The following C6orf163 variants were observed in gnomAD, a reference collection of about 807,000 sequenced individuals.
The protein encoded by C6orf163 is uncharacterized protein C6orf163.
A neutral mutation model predicts 28.4 loss-of-function variants in C6orf163; 22 were observed. The ratio of observed to expected loss-of-function variants is 0.78; its 90% confidence interval spans 0.55 to 1.11. C6orf163 has a LOEUF of 1.11. Among genes scored for constraint, C6orf163 ranks in the 50% least tolerant of loss-of-function variants. The probability of loss-of-function intolerance (pLI) is 0.00; values close to 1 mark genes in which losing one functional copy is unlikely to be tolerated. For missense variants in C6orf163, 342 were observed against 389.1 expected (o/e 0.88, Z 1.02); for synonymous variants, 110 against 123.6 (o/e 0.89, Z 0.73).
At chr6:87,348,146 C>A (rs1327084090) in intron 1 of C6orf163, 3 of 956,132 alleles carry the variant, frequency 3.1e-6, no homozygotes, top group Non-Finnish European at 3.7e-6. Context: ...CAAAGCAAGA[C>A]TCCCTCTCAA....
intron 4 of C6orf163, among the ~76,000 whole-genome samples, chr6:87,362,151 C>G (rs1777589174): frequency 6.6e-6 from 1 of 152,210 alleles, no homozygotes; most frequent in African/African-American, 2.4e-5. Flanking sequence ...GCCTCCATTT[C>G]TCACCTGTTA....
rs1171081134 is a variant in C6orf163, at chr6:87,356,331, T to C, written c.382T>C (p.Tyr128His). 4.5e-6 allele frequency: 7 copies of C among 1,551,600 alleles called. No homozygotes were observed. Among genetic ancestry groups the C allele is most frequent in the Non-Finnish European group, 6.1e-6 (7 of 1,147,004 alleles). ...EVTAKTKTEMYQNMDDEMKRE... is the reference protein window; with the variant it reads ...EVTAKTKTEMHQNMDDEMKRE... Reference sequence around the variant, plus strand: ...GACAGCTAAAACTAAGACAGAGATGTATCAAAACATGGATGACGAAATGAA... The same window carrying C: ...GACAGCTAAAACTAAGACAGAGATGCATCAAAACATGGATGACGAAATGAA... Residue 128 changes from tyrosine (Y) to histidine (H), a missense_variant, in exon 4 of 5, where the codon TAT (tyrosine) becomes CAT (histidine). By Grantham distance (83) the Tyr-to-His change is moderately conservative. Coordinates refer to ENST00000388923, the MANE Select transcript of C6orf163 (RefSeq NM_001010868.3).
chr6:87,350,009 C>T (rs1040907151), intron 2 of C6orf163, among the ~76,000 whole-genome samples: 1 of 152,216 alleles, frequency 6.6e-6, no homozygotes, highest in South Asian at 2.1e-4. Flanking sequence ...CTCCTTCTAG[C>T]TTTGTGCGTC....
intron 4 of C6orf163, among the ~76,000 whole-genome samples, chr6:87,364,151 C>T (rs1036297608): frequency 6.6e-6 from 1 of 151,954 alleles, no homozygotes; most frequent in South Asian, 2.1e-4. Flanking sequence ...TGGGTGTAGT[C>T]GTGCACACCT....
In C6orf163 at chr6:87,350,403, C is replaced by A; in HGVS notation, c.253C>A (p.Arg85Ser). The change falls in exon 3 of 5, where the codon CGT (arginine) becomes AGT (serine). Residue 85 changes from arginine to serine, a missense_variant. Arg to Ser is a moderately radical substitution (Grantham distance 110). Coordinates refer to ENST00000388923, the MANE Select transcript of C6orf163 (RefSeq NM_001010868.3). ...ACTCTTTCTTTCAAAGGCTAATGAA[C>A]GTCAAAAACAAGCAGTGGAGAAAGC... ...EAEVWAQANE[R>S]QKQAVEKALE... 6.5e-7 allele frequency: 1 copy of A among 1,528,342 alleles called. No homozygotes were observed. Among genetic ancestry groups the A allele is most frequent in the Non-Finnish European group, 8.8e-7 (1 of 1,140,914 alleles). 94.7% of individuals were successfully genotyped at this position (1,528,342 alleles called of 1,614,324 possible). A position where few individuals can be genotyped will look rare whatever the true frequency, so the allele number is the denominator to read the frequency against.
At chr6:87,350,954 A>G (rs1013091797) in intron 3 of C6orf163, among the ~76,000 whole-genome samples, 3 of 152,206 alleles carry the variant, frequency 2.0e-5, no homozygotes, top group African/African-American at 4.8e-5. Flanking sequence ...TGAACAAGTG[A>G]AGCAGGCTGT....
rs1224096626 is a variant in C6orf163 at position 87,365,226 on chromosome 6, T to A, written c.820T>A (p.Trp274Arg). 2 of 1,551,750 alleles carry A rather than the reference T, an allele frequency of 1.3e-6. No individual in the cohort carries two copies. Among genetic ancestry groups the A allele is most frequent in the East Asian group, 4.9e-5 (2 of 40,930 alleles). Residue 274 changes from tryptophan (W) to arginine (R), a missense_variant, in exon 5 of 5, where the codon TGG becomes AGG. Coordinates refer to ENST00000388923, the MANE Select transcript of C6orf163 (RefSeq NM_001010868.3). ...AAAACAACTGGGAATCATGACAAAT[T>A]GGAAAGATTTCCTAGAGGAGGAATT... ...IAKQLGIMTN[W>R]KDFLEEELQE...
At chr6:87,345,916 CAAAAAAAA>C (rs3044136) in intron 1 of C6orf163, among the ~76,000 whole-genome samples, 1,249 of 44,702 alleles carry the variant, frequency 0.028, 42 homozygotes, top group African/African-American at 0.099. Flanking sequence ...GACTCTGCCT[CAAAAAAAA>C]AAAAAAAAAA....
In C6orf163 at chr6:87,350,505, T is replaced by C. The variant is rs1412549796; in HGVS notation, c.351+4T>C. ...GGAACATCAGAAAGATTTACAGGTT[T>C]TTATAGTGGCTTATTTGTTGTCTTT... On this transcript the variant is annotated splice_donor_region_variant and intron_variant, in intron 3 of 4. Transcript: ENST00000388923. 6.9e-7 allele frequency: 1 copy of C among 1,445,486 alleles called. No homozygotes were observed. The highest frequency in any genetic ancestry group is 2.1e-5 in the Admixed American group (1 of 48,658). 89.5% of individuals were successfully genotyped at this position (1,445,486 alleles called of 1,614,324 possible). A position where few individuals can be genotyped will look rare whatever the true frequency, so the allele number is the denominator to read the frequency against.
intron 3 of C6orf163, among the ~76,000 whole-genome samples, chr6:87,352,233 C>G (rs1001186237): frequency 2.0e-5 from 3 of 151,998 alleles, no homozygotes; most frequent in South Asian, 4.2e-4. Context: ...TGTAGGATAC[C>G]AAGATACAGA....
At chr6:87,345,355 C>A in intron 1 of C6orf163, 108 bp downstream of exon 1, 2 of 1,102,020 alleles carry the variant, frequency 1.8e-6, no homozygotes, top group Non-Finnish European at 2.5e-6. Context: ...AGTTGCTTGT[C>A]CCTACAGGGA....
chr6:87,348,876 T>G lies in C6orf163; in HGVS notation c.213T>G (p.Ile71Met), dbSNP rs1582104430. 1.3e-6 allele frequency: 2 copies of G among 1,537,610 alleles called. No individual in the cohort carries two copies. Among genetic ancestry groups the G allele is most frequent in the African/African-American group, 2.7e-5 (2 of 73,160 alleles). Residue 71 changes from isoleucine (I) to methionine (M), a missense_variant, in exon 2 of 5, where the codon ATT becomes ATG. Physicochemically the swap from Ile to Met is conservative, Grantham distance 10 (BLOSUM62 1). Transcript: ENST00000388923. ...AAGAAGATATACTCAGAGAACACAT[T>G]GCGAAAGCAGAAGCTGAAGTATGGG... ...QFQEDILREH[I>M]AKAEAEVWAQ...
intron 3 of C6orf163, among the ~76,000 whole-genome samples, chr6:87,351,507 C>T (rs1230731973): frequency 6.6e-6 from 1 of 152,224 alleles, no homozygotes; most frequent in Non-Finnish European, 1.5e-5. Context: ...TAGTGGGATG[C>T]TCCCTGCTTC....
intron 3 of C6orf163, among the ~76,000 whole-genome samples, chr6:87,355,765 C>T (rs940774631): frequency 1.3e-5 from 2 of 152,148 alleles, no homozygotes; most frequent in Admixed American, 6.5e-5. Flanking sequence ...TTCTGGGCCT[C>T]GGACTGCCAG....
chr6:87,349,720 C>A (rs1777382001), intron 2 of C6orf163, among the ~76,000 whole-genome samples: 1 of 152,196 alleles, frequency 6.6e-6, no homozygotes, highest in Admixed American at 6.5e-5. Flanking sequence ...TTTGAACATA[C>A]ATAATGCTCC....
chr6:87,351,064 C>CAGAT (rs1446309586), intron 3 of C6orf163, among the ~76,000 whole-genome samples: 2 of 152,142 alleles, frequency 1.3e-5, no homozygotes, highest in African/African-American at 4.8e-5. Context: ...AATGCAGGGC[C>CAGAT]AGATGTCACA....
rs576622139 is a variant in C6orf163 at position 87,356,760 on chromosome 6, C to T, written c.554+257C>T. On this transcript the variant is annotated intron_variant, in intron 4 of 4. Coordinates refer to ENST00000388923, the MANE Select transcript of C6orf163 (RefSeq NM_001010868.3). ...GAAAATTGCTGTTTTCTAAAGCTCT[C>T]GTGTGTTCTTCCTCAATCATATCTT... 38 of 393,752 alleles carry T rather than the reference C, an allele frequency of 9.7e-5. No individual in the cohort carries two copies. The South Asian group carries it at 1.4e-3, about 14-fold the overall frequency. The allele number at this position is 393,752 out of a possible 1,614,324, so 24.4% of individuals were successfully genotyped here. A position where few individuals can be genotyped will look rare whatever the true frequency, so the allele number is the denominator to read the frequency against.
chr6:87,347,444 T>C, intron 1 of C6orf163: 1 of 985,412 alleles, frequency 1.0e-6, no homozygotes, highest in Non-Finnish European at 1.2e-6. Context: ...TTTTATGAAG[T>C]TCAATACGTT....
chr6:87,345,038 G>T lies in C6orf163; in HGVS notation c.-62G>T. 1.4e-6 allele frequency: 2 copies of T among 1,381,528 alleles called. No individual in the cohort carries two copies. Among genetic ancestry groups the T allele is most frequent in the South Asian group, 2.9e-5 (2 of 69,344 alleles). 85.6% of individuals were successfully genotyped at this position (1,381,528 alleles called of 1,614,324 possible). A position where few individuals can be genotyped will look rare whatever the true frequency, so the allele number is the denominator to read the frequency against. On this transcript the variant is annotated 5_prime_UTR_variant, in exon 1 of 5. Transcript: ENST00000388923. ...TTAAACTTTCAGCTTTTCTTGAAAC[G>T]ACTTTTTCTGATTCTAAGATTATTT... is the stretch of plus-strand genomic sequence containing the variant.
Sources: gnomAD v4.1 joint callset for allele counts (sites outside exome capture counted in the v4.1 genomes callset) on GRCh38, gnomAD v4.1.1 for gene constraint, MANE v1.5 for transcripts, NCBI Gene and HGNC (gene_info 2026-07-23, HGNC 2026-07-21) for gene names.